Variants in MDGA2 observed in about 807,000 individuals in gnomAD.
MDGA2 encodes the protein MAM domain containing glycosylphosphatidylinositol anchor 2.
In MDGA2, 40 loss-of-function variants were observed where a neutral mutation model predicts 117.8. The ratio of observed to expected loss-of-function variants is 0.34; its 90% CI spans 0.26 to 0.44. The LOEUF is 0.44. Among genes scored for constraint, MDGA2 ranks in the 20% least tolerant of loss-of-function variants. The pLI is 1.00. For missense variants in MDGA2, 1,123 were observed against 1,250.6 expected (o/e 0.90, Z 1.54); for synonymous variants, 452 against 439.0 (o/e 1.03, Z -0.37).
chr14:47,054,384 T>C (rs932153139), intron 7 of MDGA2, among the ~76,000 whole-genome samples: 2 of 151,814 alleles, frequency 1.3e-5, no homozygotes, highest in African/African-American at 4.8e-5. Context: ...GCAGGTTTGT[T>C]ACATATGTAC....
intron 1 of MDGA2, among the ~76,000 whole-genome samples, chr14:47,349,791 C>G (rs1434295827): frequency 1.3e-5 from 2 of 152,210 alleles, no homozygotes; most frequent in Non-Finnish European, 2.9e-5. Context: ...TAACTGCTGA[C>G]CTTTCCAGGT....
At chr14:47,661,773 C>G (rs1436293422) in intron 1 of MDGA2, among the ~76,000 whole-genome samples, 1 of 85,204 alleles carries the variant, frequency 1.2e-5, no homozygotes, top group Non-Finnish European at 2.1e-5. Context: ...TTTTTTGAGA[C>G]AGAGTTTCGC....
intron 2 of MDGA2, among the ~76,000 whole-genome samples, chr14:47,246,054 C>A (rs186393700): frequency 6.6e-6 from 1 of 151,848 alleles, no homozygotes; most frequent in African/African-American, 2.4e-5. Context: ...GGCTCAGAGG[C>A]CAGTTTTCTC....
chr14:47,348,460 C>T (rs1005198201), intron 1 of MDGA2, among the ~76,000 whole-genome samples: 3 of 152,126 alleles, frequency 2.0e-5, no homozygotes, highest in African/African-American at 7.2e-5. Flanking sequence ...GATCCGCCCA[C>T]CTCAGCCTCC....
intron 3 of MDGA2, among the ~76,000 whole-genome samples, chr14:47,179,150 G>A (rs1884597869): frequency 6.6e-6 from 1 of 152,002 alleles, no homozygotes; most frequent in Non-Finnish European, 1.5e-5. Flanking sequence ...CTCAGTGATT[G>A]TCCTCATGGG....
At chr14:47,078,426 G>A (rs1006536683) in intron 6 of MDGA2, among the ~76,000 whole-genome samples, 2 of 152,024 alleles carry the variant, frequency 1.3e-5, no homozygotes, top group African/African-American at 4.8e-5. Context: ...CAGTCAAGCC[G>A]AGACAGCCTC....
At chr14:47,235,817 T>A (rs548231646) in intron 2 of MDGA2, among the ~76,000 whole-genome samples, 26 of 152,284 alleles carry the variant, frequency 1.7e-4, no homozygotes, top group African/African-American at 6.0e-4. Context: ...GTTTCCCATA[T>A]ATCTAGACTC....
At chr14:46,896,619 A>T (rs1440122135) in intron 10 of MDGA2, among the ~76,000 whole-genome samples, 1 of 152,068 alleles carries the variant, frequency 6.6e-6, no homozygotes, top group Non-Finnish European at 1.5e-5. Flanking sequence ...CATGAGCATG[A>T]GGATGTTATC....
At chr14:47,364,612 C>T (rs2138377795) in intron 1 of MDGA2, among the ~76,000 whole-genome samples, 1 of 152,294 alleles carries the variant, frequency 6.6e-6, no homozygotes, top group South Asian at 2.1e-4. Flanking sequence ...GAATGATAAC[C>T]AAATAAGCAC....
At chr14:47,653,525 T>C (rs1451884060) in intron 1 of MDGA2, among the ~76,000 whole-genome samples, 1 of 152,162 alleles carries the variant, frequency 6.6e-6, no homozygotes, top group Non-Finnish European at 1.5e-5. Flanking sequence ...GACACTGATG[T>C]ATTACTGTGG....
intron 2 of MDGA2, among the ~76,000 whole-genome samples, chr14:47,246,169 C>G (rs1048725666): frequency 1.3e-5 from 2 of 151,832 alleles, no homozygotes; most frequent in South Asian, 4.2e-4. Flanking sequence ...TTTATATTTA[C>G]TTACTATCCA....
At chr14:47,029,330 GTTT>G (rs550826191) in intron 8 of MDGA2, among the ~76,000 whole-genome samples, 155 of 152,158 alleles carry the variant, frequency 1.0e-3, no homozygotes, top group Non-Finnish European at 2.0e-3. Flanking sequence ...AGGAACATGG[GTTT>G]ATCAATAGCC....
intron 1 of MDGA2, among the ~76,000 whole-genome samples, chr14:47,556,203 C>A (rs140253181): frequency 6.6e-6 from 1 of 152,274 alleles, no homozygotes; most frequent in African/African-American, 2.4e-5. Flanking sequence ...TGACACATAG[C>A]ACAGCTTATA....
At chr14:47,177,397 A>G (rs1281620640) in intron 3 of MDGA2, among the ~76,000 whole-genome samples, 1 of 152,174 alleles carries the variant, frequency 6.6e-6, no homozygotes, top group Non-Finnish European at 1.5e-5. Context: ...ACTTGGAACC[A>G]ACCCAAATGT....
Position 47,250,312 on chromosome 14 carries a change from C to T in MDGA2, c.421-32117G>A, listed in dbSNP as rs549008858. Among the ~76,000 whole-genome samples the T allele has an allele frequency of 2.2e-4, 34 of 152,318 alleles. No individual in the cohort carries two copies. In the South Asian group the frequency reaches 6.6e-3, roughly 30 times the overall value. Reference sequence around the variant, plus strand: ...TCCAAGCTGGCTTCAGGGAGCAAGACTGCCGTTGGTGAATTCTGGATTATG... The same window carrying T: ...TCCAAGCTGGCTTCAGGGAGCAAGATTGCCGTTGGTGAATTCTGGATTATG... On this transcript the variant is annotated intron_variant, in intron 2 of 16. Coordinates refer to ENST00000399232, the MANE Select transcript of MDGA2 (RefSeq NM_001113498.3).
At chr14:47,065,572 T>A (rs937975880) in intron 6 of MDGA2, among the ~76,000 whole-genome samples, 2 of 152,214 alleles carry the variant, frequency 1.3e-5, no homozygotes, top group South Asian at 4.1e-4. Flanking sequence ...TGTGAGATTG[T>A]ATCTTGATTG....
At chr14:47,312,829 C>T (rs1034979336) in intron 1 of MDGA2, among the ~76,000 whole-genome samples, 2 of 148,762 alleles carry the variant, frequency 1.3e-5, no homozygotes, top group African/African-American at 2.5e-5. Flanking sequence ...CATGCCTGGC[C>T]TATCACAGAA....
intron 1 of MDGA2, among the ~76,000 whole-genome samples, chr14:47,472,966 T>A (rs1893760411): frequency 6.6e-6 from 1 of 152,068 alleles, no homozygotes; most frequent in Non-Finnish European, 1.5e-5. Flanking sequence ...AAAAGACAAT[T>A]CTACAGTTGT....
At chr14:46,890,376 G>T (rs983159589) in intron 10 of MDGA2, among the ~76,000 whole-genome samples, 1 of 152,028 alleles carries the variant, frequency 6.6e-6, no homozygotes, top group African/African-American at 2.4e-5. Flanking sequence ...TTGTTAATTT[G>T]CCAAATTCTC....
Sources: gnomAD v4.1 joint callset for allele counts (sites outside exome capture counted in the v4.1 genomes callset) on GRCh38, gnomAD v4.1.1 for gene constraint, MANE v1.5 for transcripts, NCBI Gene and HGNC (gene_info 2026-07-23, HGNC 2026-07-21) for gene names.